SFMBT2: variants seen among roughly 807,000 people sequenced by gnomAD.
SFMBT2 encodes scm-like with four MBT domains protein 2.
SFMBT2 carries 38 observed loss-of-function variants against 110.1 expected under a neutral mutation model. That is an observed-to-expected ratio of 0.35 (90% confidence interval 0.27 to 0.45). The LOEUF (loss-of-function observed/expected upper bound fraction) is 0.45, where lower values mean the gene tolerates loss of function less well. Ranked by LOEUF, SFMBT2 falls within the 20% of genes least tolerant of loss-of-function variation. SFMBT2 has a pLI of 1.00. For missense variants in SFMBT2, 1,011 were observed against 1,094.9 expected (o/e 0.92, Z 1.08); for synonymous variants, 425 against 425.4 (o/e 1.00, Z 0.01).
intron 11 of SFMBT2, among the ~76,000 whole-genome samples, chr10:7,213,301 C>T (rs950880436): frequency 1.3e-5 from 2 of 152,078 alleles, no homozygotes; most frequent in Non-Finnish European, 2.9e-5. Context: ...AGGAGGAAGG[C>T]AATGCCTGTA....
rs869253757 is a variant in SFMBT2, at chr10:7,324,961, C to CTTTTTT, written c.437-39013_437-39008dup. On this transcript the variant is annotated intron_variant, in intron 4 of 20. Coordinates refer to ENST00000397167, the MANE Select transcript of SFMBT2 (RefSeq NM_001387889.1). ...CTTAATTACTTCCTTAGAGGCCCCA[C>CTTTTTT]TTTTTTTTTTTTTTTTTTTTTTTTG... is the stretch of plus-strand genomic sequence containing the variant. Among the ~76,000 whole-genome samples, 39 of 92,124 alleles carry CTTTTTT rather than the reference C, an allele frequency of 4.2e-4. 1 individual carries two copies. Among genetic ancestry groups the CTTTTTT allele is most frequent in the African/African-American group, 5.5e-4 (12 of 21,638 alleles). The allele number at this position is 92,124 out of a possible 152,430, so 60.4% of individuals were successfully genotyped here. A position where few individuals can be genotyped will look rare whatever the true frequency, so the allele number is the denominator to read the frequency against.
At chr10:7,333,863 C>T (rs904407610) in intron 4 of SFMBT2, among the ~76,000 whole-genome samples, 4 of 152,084 alleles carry the variant, frequency 2.6e-5, no homozygotes, top group East Asian at 1.9e-4. Flanking sequence ...TTCTTTAAGG[C>T]TCACACTAGG....
chr10:7,229,971 C>T (rs1840066970), intron 9 of SFMBT2, among the ~76,000 whole-genome samples: 1 of 151,782 alleles, frequency 6.6e-6, no homozygotes, highest in Admixed American at 6.6e-5. Flanking sequence ...CCCACCTCAG[C>T]ATCCCAAAGT....
At chr10:7,336,822 A>C (rs1379456039) in intron 4 of SFMBT2, among the ~76,000 whole-genome samples, 3 of 152,220 alleles carry the variant, frequency 2.0e-5, no homozygotes, top group Non-Finnish European at 4.4e-5. Flanking sequence ...GAACTGCTGG[A>C]GACCAGAACA....
At chr10:7,383,441 T>C (rs1845483435) in intron 1 of SFMBT2, among the ~76,000 whole-genome samples, 1 of 152,134 alleles carries the variant, frequency 6.6e-6, no homozygotes, top group Admixed American at 6.5e-5. Flanking sequence ...TAGGAAGAGA[T>C]GGGGAATGTA....
chr10:7,319,204 C>G (rs771597658), intron 4 of SFMBT2, among the ~76,000 whole-genome samples: 4 of 152,202 alleles, frequency 2.6e-5, no homozygotes, highest in Non-Finnish European at 4.4e-5. Flanking sequence ...AGTCACTAAA[C>G]CAAAATCATC....
intron 1 of SFMBT2, among the ~76,000 whole-genome samples, chr10:7,407,817 T>G (rs1184520843): frequency 6.6e-6 from 1 of 152,174 alleles, no homozygotes; most frequent in African/African-American, 2.4e-5. Context: ...AGCACCGGTG[T>G]CCGTGGCTAT....
intron 1 of SFMBT2, among the ~76,000 whole-genome samples, chr10:7,405,540 T>A (rs1846187483): frequency 6.6e-6 from 1 of 152,196 alleles, no homozygotes; most frequent in Non-Finnish European, 1.5e-5. Context: ...GCTGCTGCCT[T>A]CACAAGCACG....
At chr10:7,334,719 G>A (rs1271839021) in intron 4 of SFMBT2, among the ~76,000 whole-genome samples, 3 of 152,132 alleles carry the variant, frequency 2.0e-5, no homozygotes, top group African/African-American at 2.4e-5. Flanking sequence ...GTGTCCCAGC[G>A]CTCTTCCTCT....
At chr10:7,327,330 C>T (rs897446344) in intron 4 of SFMBT2, among the ~76,000 whole-genome samples, 20 of 151,696 alleles carry the variant, frequency 1.3e-4, no homozygotes, top group Admixed American at 7.9e-4. Context: ...TTCATCACCC[C>T]GAAAAAAAAA....
intron 1 of SFMBT2, among the ~76,000 whole-genome samples, chr10:7,402,112 TAA>T (rs76629935): frequency 2.8e-4 from 35 of 125,328 alleles, no homozygotes; most frequent in Non-Finnish European, 2.7e-4. Flanking sequence ...TATTTAACAT[TAA>T]AAAAAAAAAA....
At chr10:7,348,466 T>C in intron 4 of SFMBT2, 1 of 622,100 alleles carries the variant, frequency 1.6e-6, no homozygotes, top group South Asian at 6.1e-5. Flanking sequence ...TGACATTGTT[T>C]AATCAACTCT....
At chr10:7,177,378 TCTAA>T (rs541133127) in intron 16 of SFMBT2, among the ~76,000 whole-genome samples, 26 of 152,092 alleles carry the variant, frequency 1.7e-4, no homozygotes, top group African/African-American at 5.5e-4. Flanking sequence ...AAGCGGTAAA[TCTAA>T]CTGAGGGGCC....
chr10:7,295,463 A>C (rs1842381242), intron 4 of SFMBT2, among the ~76,000 whole-genome samples: 1 of 152,200 alleles, frequency 6.6e-6, no homozygotes, highest in Non-Finnish European at 1.5e-5. Flanking sequence ...GCAGACTTAG[A>C]CGGCTTTAGG....
chr10:7,251,121 AC>A (rs1840792114), intron 7 of SFMBT2, among the ~76,000 whole-genome samples: 1 of 152,002 alleles, frequency 6.6e-6, no homozygotes, highest in Admixed American at 6.6e-5. Flanking sequence ...AATCACATGT[AC>A]CCCAAAGTAT....
intron 4 of SFMBT2, among the ~76,000 whole-genome samples, chr10:7,331,821 T>C (rs1259909295): frequency 6.6e-6 from 1 of 151,972 alleles, no homozygotes; most frequent in East Asian, 1.9e-4. Flanking sequence ...CTGGTCAACA[T>C]GGTGAAACCC....
At chr10:7,237,655 C>T (rs1008373422) in intron 9 of SFMBT2, among the ~76,000 whole-genome samples, 1 of 152,168 alleles carries the variant, frequency 6.6e-6, no homozygotes, top group Non-Finnish European at 1.5e-5. Context: ...GTGCCACCCA[C>T]TATTCCAGCT....
chr10:7,391,542 T>C (rs1046698602), intron 1 of SFMBT2, among the ~76,000 whole-genome samples: 2 of 151,838 alleles, frequency 1.3e-5, no homozygotes, highest in East Asian at 3.9e-4. Flanking sequence ...ACTGGAAGAC[T>C]TCCCCCTACG....
intron 1 of SFMBT2, among the ~76,000 whole-genome samples, chr10:7,387,537 A>T (rs953339772): frequency 2.0e-5 from 3 of 152,062 alleles, no homozygotes; most frequent in Non-Finnish European, 1.5e-5. Flanking sequence ...ATCAACAAGG[A>T]TAGGAAGGCG....
Sources: allele counts gnomAD v4.1 joint callset (sites outside exome capture counted in the v4.1 genomes callset), GRCh38; gene constraint gnomAD v4.1.1; transcripts MANE v1.5; gene names NCBI Gene and HGNC (gene_info 2026-07-23, HGNC 2026-07-21).